The following ZMAT1 variants were observed in gnomAD, a reference collection of about 807,000 sequenced individuals.
The protein encoded by ZMAT1 is zinc finger matrin-type 1.
Under a neutral mutation model 18.5 loss-of-function variants are expected in ZMAT1, and 11 were observed. The observed-to-expected ratio is 0.59, with a 90% CI of 0.37 to 0.98. The LOEUF is 0.98. ZMAT1 is among the 50% of genes least tolerant of loss of function. ZMAT1 has a pLI of 0.01. For synonymous variants in ZMAT1, 211 were observed against 176.4 expected (o/e 1.20, Z -1.55); for missense variants, 525 against 496.2 (o/e 1.06, Z -0.55).
chrX:101,897,591 G>C, intron 4 of ZMAT1, among the ~76,000 whole-genome samples: 1 of 107,427 alleles, frequency 9.3e-6, no homozygotes. Flanking sequence ...GCTGCTTACT[G>C]TTGTTTCTTT....
chrX:101,916,494 C>T (rs963236005), intron 1 of ZMAT1, among the ~76,000 whole-genome samples: 5 of 111,713 alleles, frequency 4.5e-5, no homozygotes, highest in African/African-American at 1.6e-4. Flanking sequence ...TGCAAGATCT[C>T]TGTAATGAAA....
At chrX:101,902,535 G>A (rs1003249688) in intron 2 of ZMAT1, among the ~76,000 whole-genome samples, 2 of 111,530 alleles carry the variant, frequency 1.8e-5, no homozygotes, top group East Asian at 5.6e-4. Context: ...CAGGATAAAA[G>A]CCTCAAAACA....
chrX:101,886,976 C>T (rs928198542), intron 4 of ZMAT1: 3 of 239,949 alleles, frequency 1.3e-5, no homozygotes, highest in Non-Finnish European at 1.5e-5. Flanking sequence ...CACACTGCTT[C>T]TCTAGCTTAA....
chrX:101,899,951 T>C (rs750307502), intron 2 of ZMAT1, among the ~76,000 whole-genome samples: 2 of 111,851 alleles, frequency 1.8e-5, no homozygotes, highest in Non-Finnish European at 3.8e-5. Context: ...GTTCACCACA[T>C]CCACGCCAAC....
chrX:101,930,973 C>T (rs944906752), intron 1 of ZMAT1, among the ~76,000 whole-genome samples: 2 of 111,811 alleles, frequency 1.8e-5, no homozygotes, highest in South Asian at 3.7e-4. Flanking sequence ...TAAAGATGGA[C>T]CTGTAAATCT....
Position 101,899,729 on chromosome X carries a change from C to T in ZMAT1, c.400-1509G>A, listed in dbSNP as rs190576710. Among the ~76,000 whole-genome samples, 3 of 112,274 alleles carry T rather than the reference C, an allele frequency of 2.7e-5. No homozygotes were observed. The Admixed American group carries it at 2.8e-4, about 11-fold the overall frequency. On this transcript the variant is annotated intron_variant, in intron 2 of 5. Transcript: ENST00000651725. ...TTGATGGGCATTTGCGTTGGTTCCA[C>T]GATTTTGCAATTGTGAATTGTGCTG...
intron 1 of ZMAT1, among the ~76,000 whole-genome samples, chrX:101,921,659 T>A (rs771750727): frequency 2.7e-5 from 3 of 112,020 alleles, no homozygotes; most frequent in Admixed American, 9.5e-5. Context: ...TGACTTTATA[T>A]GGGTTGATGG....
chrX:101,892,977 G>C (rs913162304), intron 4 of ZMAT1, among the ~76,000 whole-genome samples: 1 of 111,615 alleles, frequency 9.0e-6, no homozygotes, highest in Non-Finnish European at 1.9e-5. Context: ...TCATTAGCTA[G>C]TTAAAATTCT....
intron 1 of ZMAT1, among the ~76,000 whole-genome samples, chrX:101,916,525 T>C (rs771891277): frequency 8.9e-6 from 1 of 111,774 alleles, no homozygotes; most frequent in South Asian, 3.7e-4. Flanking sequence ...ACTGATGAAT[T>C]ATATTGAAGA....
Position 101,931,994 on chromosome X carries a change from C to A in ZMAT1, c.15G>T (p.Pro5=). Residue 5 remains proline (P), a synonymous_variant, in exon 1 of 6, where the codon CCG becomes CCT. Coordinates refer to ENST00000651725, the MANE Select transcript of ZMAT1 (RefSeq NM_001394560.1). The part of the protein sequence containing the change: MAAA[P]STVTPLAAES... ...CCGCCGCCAGCGGGGTGACTGTGCT[C>A]GGCGCCGCCGCCATCGCAGCGAGGC... is the stretch of plus-strand genomic sequence containing the variant. The A allele has an allele frequency of 1.3e-6, 1 of 767,988 alleles. No homozygotes were observed. Among genetic ancestry groups the A allele is most frequent in the South Asian group, 5.8e-5 (1 of 17,193 alleles). 63.3% of individuals were successfully genotyped at this position (767,988 alleles called of 1,213,427 possible).
chrX:101,904,187 C>A (rs755141083), intron 2 of ZMAT1, 37 bp downstream of exon 2: 1 of 1,033,905 alleles, frequency 9.7e-7, no homozygotes, highest in Admixed American at 2.9e-5. Context: ...CATTTAAAAA[C>A]CTGCTTTAGA....
In ZMAT1 at chrX:101,883,768, C is replaced by T; in HGVS notation, c.1830G>A (p.Glu610=). 2 of 1,209,170 alleles carry T rather than the reference C, an allele frequency of 1.7e-6. No homozygotes were observed. The highest frequency in any genetic ancestry group is 2.2e-6 in the Non-Finnish European group (2 of 894,808). Residue 610 remains glutamate, a synonymous_variant, in exon 6 of 6, where the codon GAG becomes GAA. Transcript: ENST00000651725. The stretch of plus-strand genomic sequence containing the variant: ...TCCTTTTATGCTTGGACTGCTCTTT[C>T]TCTGGCCTTTCTTTGCCTTCTTCTA... The part of the protein sequence containing the change: ...RHLEEGKERP[E]KEQSKHKRKK...
intron 1 of ZMAT1, among the ~76,000 whole-genome samples, chrX:101,905,150 C>G (rs1172175526): frequency 1.8e-5 from 2 of 112,031 alleles, no homozygotes; most frequent in South Asian, 3.7e-4. Context: ...ATCTAGAAAT[C>G]ACAAGGAACC....
At chrX:101,893,570 A>G (rs190627451) in intron 4 of ZMAT1, among the ~76,000 whole-genome samples, 3 of 111,981 alleles carry the variant, frequency 2.7e-5, no homozygotes, top group African/African-American at 9.7e-5. Flanking sequence ...TAGTTATCTG[A>G]TGCATGTATT....
chrX:101,913,146 G>A (rs1929073199), intron 1 of ZMAT1, among the ~76,000 whole-genome samples: 1 of 111,457 alleles, frequency 9.0e-6, no homozygotes, highest in African/African-American at 3.3e-5. Flanking sequence ...GAAGGTATCT[G>A]CAAGCCTCAT....
chrX:101,889,671 A>G (rs1453587948), intron 4 of ZMAT1: 4 of 111,861 alleles, frequency 3.6e-5, no homozygotes, highest in Non-Finnish European at 7.5e-5. Flanking sequence ...GATTCTAATT[A>G]GTCAAGGCTG....
chrX:101,910,311 A>G (rs916589650), intron 1 of ZMAT1, among the ~76,000 whole-genome samples: 2 of 112,218 alleles, frequency 1.8e-5, no homozygotes, highest in African/African-American at 3.2e-5. Context: ...ACAGCTACAA[A>G]TAAGCCCAGA....
intron 2 of ZMAT1, among the ~76,000 whole-genome samples, chrX:101,903,450 A>G (rs928866579): frequency 6.3e-5 from 7 of 111,807 alleles, no homozygotes; most frequent in African/African-American, 2.3e-4. Context: ...ATAATTACCA[A>G]TAAGATTAGC....
intron 1 of ZMAT1, chrX:101,911,589 T>C (rs1333177866): frequency 8.6e-7 from 1 of 1,159,065 alleles, no homozygotes; most frequent in Non-Finnish European, 1.2e-6. Flanking sequence ...GCAATGACTG[T>C]AGCAAGGCAT....
Sources: gnomAD v4.1 joint callset for allele counts (sites outside exome capture counted in the v4.1 genomes callset) on GRCh38, gnomAD v4.1.1 for gene constraint, MANE v1.5 for transcripts, NCBI Gene and HGNC (gene_info 2026-07-23, HGNC 2026-07-21) for gene names.